Variants in OXR1 observed in about 807,000 individuals in gnomAD.
OXR1 encodes oxidation resistance protein 1.
OXR1 carries 41 observed loss-of-function variants against 104.6 expected under a neutral mutation model. The ratio of observed to expected loss-of-function variants is 0.39; its 90% CI spans 0.31 to 0.51. The LOEUF is 0.51. Among genes scored for constraint, OXR1 ranks in the 20% least tolerant of loss-of-function variants. The probability of loss-of-function intolerance (pLI) is 0.77; values close to 1 mark genes in which losing one functional copy is unlikely to be tolerated. For missense variants in OXR1, 955 were observed against 1,031.9 expected, an observed-to-expected ratio of 0.93 and a Z score of 1.02; for synonymous variants, 348 against 348.4, an observed-to-expected ratio of 1.00 and a Z score of 0.01.
At chr8:106,750,138 A>C (rs1835750981) in intron 16 of OXR1, among the ~76,000 whole-genome samples, 1 of 147,838 alleles carries the variant, frequency 6.8e-6, no homozygotes, top group Admixed American at 7.0e-5. Flanking sequence ...CATACCGAAA[A>C]GATAAACACA....
chr8:106,449,510 C>T (rs1820197991), intron 2 of OXR1, among the ~76,000 whole-genome samples: 1 of 152,150 alleles, frequency 6.6e-6, no homozygotes, highest in South Asian at 2.1e-4. Context: ...ATCACAACCA[C>T]TCCTGCAAAG....
intron 1 of OXR1, among the ~76,000 whole-genome samples, chr8:106,334,756 G>A (rs576912020): frequency 6.6e-6 from 1 of 151,848 alleles, no homozygotes; most frequent in Admixed American, 6.6e-5. Context: ...ATTTTTGCTG[G>A]GCCTATTGCA....
At chr8:106,424,914 T>A (rs1489656841) in intron 2 of OXR1, among the ~76,000 whole-genome samples, 4 of 152,052 alleles carry the variant, frequency 2.6e-5, no homozygotes, top group Non-Finnish European at 4.4e-5. Flanking sequence ...ATTTGACATA[T>A]TTTTTAAAAC....
intron 2 of OXR1, among the ~76,000 whole-genome samples, chr8:106,452,078 G>A (rs558867014): frequency 2.6e-5 from 4 of 152,326 alleles, no homozygotes; most frequent in African/African-American, 7.2e-5. Context: ...ATGGAACATA[G>A]TCTAGCTCCT....
chr8:106,678,517 T>C (rs544265402), intron 3 of OXR1, among the ~76,000 whole-genome samples: 1 of 152,132 alleles, frequency 6.6e-6, no homozygotes, highest in African/African-American at 2.4e-5. Context: ...TAATTCAGTG[T>C]TGTTATTACA....
At chr8:106,299,931 G>A (rs907285027) in intron 1 of OXR1, among the ~76,000 whole-genome samples, 4 of 152,182 alleles carry the variant, frequency 2.6e-5, no homozygotes, top group Admixed American at 6.5e-5. Context: ...CAGAGTGCTT[G>A]GGACCATAGT....
intron 3 of OXR1, among the ~76,000 whole-genome samples, chr8:106,540,349 ACT>A (rs1266426080): frequency 1.3e-5 from 2 of 152,212 alleles, no homozygotes; most frequent in Non-Finnish European, 2.9e-5. Flanking sequence ...GTTAAAAAGG[ACT>A]ATATGAAAAT....
chr8:106,532,013 C>A (rs1323668838), intron 3 of OXR1, among the ~76,000 whole-genome samples: 3 of 152,156 alleles, frequency 2.0e-5, no homozygotes. Context: ...ATTCAGTGGA[C>A]AATTTTAAGA....
At chr8:106,513,588 T>A (rs1478016133) in intron 2 of OXR1, among the ~76,000 whole-genome samples, 1 of 152,136 alleles carries the variant, frequency 6.6e-6, no homozygotes, top group African/African-American at 2.4e-5. Flanking sequence ...CCAGAATGAG[T>A]CAAGCCTCCT....
chr8:106,722,761 A>G (rs957299082), intron 11 of OXR1, among the ~76,000 whole-genome samples: 1 of 152,202 alleles, frequency 6.6e-6, no homozygotes, highest in African/African-American at 2.4e-5. Flanking sequence ...TGTTCACAAA[A>G]CGAAATTGCT....
intron 3 of OXR1, chr8:106,605,209 A>G (rs1820276652): frequency 6.6e-6 from 1 of 152,172 alleles, no homozygotes; most frequent in African/African-American, 2.4e-5. Context: ...ATAAAGATAA[A>G]ATCTGTAATA....
At chr8:106,338,275 A>C (rs980020105) in intron 1 of OXR1, among the ~76,000 whole-genome samples, 3 of 152,134 alleles carry the variant, frequency 2.0e-5, no homozygotes, top group Admixed American at 6.5e-5. Context: ...TTTGCCCCTT[A>C]CAAAAAAAAG....
chr8:106,633,254 AACAAC>A (rs1304683531), intron 3 of OXR1, among the ~76,000 whole-genome samples: 5 of 150,862 alleles, frequency 3.3e-5, no homozygotes, highest in African/African-American at 1.2e-4. Context: ...AAACAAAACA[AACAAC>A]AACAAAAAAA....
At chr8:106,721,292 G>T (rs1832801106) in intron 11 of OXR1, among the ~76,000 whole-genome samples, 1 of 151,886 alleles carries the variant, frequency 6.6e-6, no homozygotes. Flanking sequence ...ATGTACTTCA[G>T]TATCTTTCAT....
At chr8:106,447,927 G>A (rs1431020877) in intron 2 of OXR1, 3 of 1,529,864 alleles carry the variant, frequency 2.0e-6, no homozygotes, top group African/African-American at 2.7e-5. Context: ...TGGAGCTAAC[G>A]AGACATCTAG....
chr8:106,653,080 A>AT (rs1326008104), intron 3 of OXR1, among the ~76,000 whole-genome samples: 2,031 of 119,062 alleles, frequency 0.017, 16 homozygotes, highest in Non-Finnish European at 0.025. Context: ...AGAAAAAAAA[A>AT]AAAATATATA....
intron 3 of OXR1, chr8:106,658,081 G>T: frequency 2.4e-6 from 3 of 1,248,316 alleles, no homozygotes; most frequent in Non-Finnish European, 3.0e-6. Flanking sequence ...GGCGAAGCCC[G>T]GCAGGTGCGC....
At position 106,309,667 on chromosome 8, in the gene OXR1, A is replaced by G. The variant is rs28505333; in HGVS notation, c.-139+39300A>G. Among the ~76,000 whole-genome samples the G allele has an allele frequency of 6.0e-3, 904 of 151,832 alleles. 13 individuals carry two copies. Among genetic ancestry groups the G allele is most frequent in the African/African-American group, 0.021 (870 of 41,508 alleles). On this transcript the variant is annotated intron_variant, in intron 1 of 16. Coordinates refer to ENST00000517566, the MANE Select transcript of OXR1 (RefSeq NM_001198533.2). ...CCTTTGAGAGATAAAATTTGTTTTC[A>G]CATGTGGTAAAATTTTCTAATATTT...
chr8:106,297,290 T>C (rs1210865722), intron 1 of OXR1, among the ~76,000 whole-genome samples: 7 of 152,186 alleles, frequency 4.6e-5, no homozygotes, highest in African/African-American at 1.7e-4. Flanking sequence ...GATATATTAT[T>C]TTTTCTTGGA....
Sources: gnomAD v4.1 joint callset for allele counts (sites outside exome capture counted in the v4.1 genomes callset) on GRCh38, gnomAD v4.1.1 for gene constraint, MANE v1.5 for transcripts, NCBI Gene and HGNC (gene_info 2026-07-23, HGNC 2026-07-21) for gene names.